GOLT1B: variants seen among roughly 807,000 people sequenced by gnomAD.
The protein encoded by GOLT1B is golgi transport 1B.
Under a neutral mutation model 15.4 loss-of-function variants are expected in GOLT1B, and 3 were observed. That is an observed-to-expected ratio of 0.19 (90% confidence interval 0.09 to 0.50). GOLT1B has a LOEUF of 0.50. GOLT1B is among the 20% of genes least tolerant of loss of function. The pLI, the probability that GOLT1B is intolerant of heterozygous loss-of-function variation, is 0.97. For synonymous variants in GOLT1B, 65 were observed against 56.2 expected (o/e 1.16, Z -0.70); for missense variants, 145 against 160.4 (o/e 0.90, Z 0.52).
chr12:21,506,360 A>C (rs1943678586), intron 1 of GOLT1B, among the ~76,000 whole-genome samples: 1 of 152,052 alleles, frequency 6.6e-6, no homozygotes, highest in South Asian at 2.1e-4. Flanking sequence ...TCTTGTTGCC[A>C]TTGTGACAAG....
At chr12:21,510,826 A>C (rs1337733705) in intron 3 of GOLT1B, among the ~76,000 whole-genome samples, 2 of 152,164 alleles carry the variant, frequency 1.3e-5, no homozygotes, top group Non-Finnish European at 2.9e-5. Context: ...CCATAACAGA[A>C]TCTTATTGCT....
chr12:21,508,306 T>TA, intron 2 of GOLT1B, 77 bp from the exon 3 acceptor site: 1 of 856,924 alleles, frequency 1.2e-6, no homozygotes, highest in Non-Finnish European at 1.8e-6. Flanking sequence ...TTTTTATATT[T>TA]AGCTTTGACT....
rs756915030 is a variant in GOLT1B, at chr12:21,512,377, GT to G, written c.378+2del. ...CCTAAATTTACCTGGAATTAGATCA[GT>G]AAGTAATCATGTATATTTTAGGCCA... On this transcript the variant is annotated splice_donor_variant, in intron 4 of 4. Transcript: ENST00000229314. LOFTEE classifies it high-confidence loss of function. The G allele has an allele frequency of 7.4e-7, 1 of 1,351,894 alleles. No homozygotes were observed. Among genetic ancestry groups the G allele is most frequent in the African/African-American group, 1.4e-5 (1 of 69,756 alleles). 83.7% of individuals were successfully genotyped at this position (1,351,894 alleles called of 1,614,324 possible). A position where few individuals can be genotyped will look rare whatever the true frequency, so the allele number is the denominator to read the frequency against.
At chr12:21,507,918 C>G (rs770795676) in intron 2 of GOLT1B, 1 of 453,792 alleles carries the variant, frequency 2.2e-6, no homozygotes, top group East Asian at 7.0e-5. Flanking sequence ...TCAACTTAGC[C>G]ATGTCAATAT....
rs1591760885 is a variant in GOLT1B at position 21,506,799 on chromosome 12, G to T, written c.26-86G>T. 15 of 602,970 alleles carry T rather than the reference G, an allele frequency of 2.5e-5. No homozygotes were observed. The East Asian group carries it at 3.4e-4, about 14-fold the overall frequency. The allele number at this position is 602,970 out of a possible 1,614,324, so 37.4% of individuals were successfully genotyped here. A position where few individuals can be genotyped will look rare whatever the true frequency, so the allele number is the denominator to read the frequency against. On this transcript the variant is annotated intron_variant, in intron 1 of 4. Transcript: ENST00000229314. ...ACCTGTTTTCTTATACCTATGAAAG[G>T]AAAACTGGAAAATTTTCTTAGTTTA... is the stretch of plus-strand genomic sequence containing the variant.
chr12:21,515,974 A>T lies in GOLT1B; in HGVS notation c.*267A>T, dbSNP rs528353384. The T allele has an allele frequency of 2.2e-4, 74 of 336,416 alleles. No homozygotes were observed. Among genetic ancestry groups the T allele is most frequent in the African/African-American group, 1.5e-3 (69 of 46,786 alleles). The allele number at this position is 336,416 out of a possible 1,614,324, so 20.8% of individuals were successfully genotyped here. On this transcript the variant is annotated 3_prime_UTR_variant, in exon 5 of 5. Transcript: ENST00000229314. The stretch of plus-strand genomic sequence containing the variant: ...GATGCTTAAGAAACTCTTGAAGGCT[A>T]TTTGTGTTGTTTTTCCACAATGTGC...
intron 3 of GOLT1B, among the ~76,000 whole-genome samples, chr12:21,510,443 G>A (rs1439268414): frequency 6.6e-6 from 1 of 152,180 alleles, no homozygotes. Context: ...TAAAAAATGG[G>A]AAGTCTTAGT....
chr12:21,512,706 A>T (rs1943728668), intron 4 of GOLT1B, among the ~76,000 whole-genome samples: 1 of 152,194 alleles, frequency 6.6e-6, no homozygotes, highest in African/African-American at 2.4e-5. Context: ...AGAAGCAATA[A>T]TGTAAAAAGG....
rs1565581668 is a variant in GOLT1B at position 21,508,123 on chromosome 12, T to C, written c.118-260T>C. ...AGATGCCCCTTGGTAACGTCTAATC[T>C]TTCTTTGTTTCTCTTTTTCTCCATT... On this transcript the variant is annotated intron_variant, in intron 2 of 4. Coordinates refer to ENST00000229314, the MANE Select transcript of GOLT1B (RefSeq NM_016072.5). 6 of 432,364 alleles carry C rather than the reference T, an allele frequency of 1.4e-5. No homozygotes were observed. The East Asian group carries it at 2.9e-4, about 21-fold the overall frequency. The allele number at this position is 432,364 out of a possible 1,614,324, so 26.8% of individuals were successfully genotyped here.
In GOLT1B at chr12:21,508,320, C is replaced by T. The variant is rs1591761404; in HGVS notation, c.118-63C>T. On this transcript the variant is annotated intron_variant, in intron 2 of 4. Coordinates refer to ENST00000229314, the MANE Select transcript of GOLT1B (RefSeq NM_016072.5). ...TTTTTTATATTTAGCTTTGACTTTACGTTTAAAATTTATGCATTGTGTTTA... is the reference window on the plus strand; with the variant it reads ...TTTTTTATATTTAGCTTTGACTTTATGTTTAAAATTTATGCATTGTGTTTA... 9 of 975,458 alleles carry T rather than the reference C, an allele frequency of 9.2e-6. No individual in the cohort carries two copies. In the East Asian group the frequency reaches 1.5e-4, roughly 16 times the overall value. 60.4% of individuals were successfully genotyped at this position (975,458 alleles called of 1,614,324 possible). A position where few individuals can be genotyped will look rare whatever the true frequency, so the allele number is the denominator to read the frequency against.
In GOLT1B at chr12:21,518,358, A is replaced by G. The variant is rs1319406823; in HGVS notation, c.*2651A>G. 1 of 152,136 alleles carries G rather than the reference A, an allele frequency of 6.6e-6. No individual in the cohort carries two copies. Among genetic ancestry groups the G allele is most frequent in the Non-Finnish European group, 1.5e-5 (1 of 68,012 alleles). 9.4% of individuals were successfully genotyped at this position (152,136 alleles called of 1,614,324 possible). Reference sequence around the variant, plus strand: ...TAAGCAAAAATGTTCTTAATTTTGAAAACTGTAAAATAAAGTCACTTACCT... The same window carrying G: ...TAAGCAAAAATGTTCTTAATTTTGAGAACTGTAAAATAAAGTCACTTACCT... On this transcript the variant is annotated 3_prime_UTR_variant, in exon 5 of 5. Coordinates refer to ENST00000229314, the MANE Select transcript of GOLT1B (RefSeq NM_016072.5).
rs372274847 is a variant in GOLT1B at position 21,506,995 on chromosome 12, A to G, written c.117+19A>G. ...TGGAAATGTGAGTTTTTAAATATATATTTTAACTAAATTTATAAGGAAATT... is the reference window on the plus strand; with the variant it reads ...TGGAAATGTGAGTTTTTAAATATATGTTTTAACTAAATTTATAAGGAAATT... On this transcript the variant is annotated intron_variant, in intron 2 of 4. Coordinates refer to ENST00000229314, the MANE Select transcript of GOLT1B (RefSeq NM_016072.5). 7.4e-6 allele frequency: 7 copies of G among 941,690 alleles called. No individual in the cohort carries two copies. The highest frequency in any genetic ancestry group is 5.1e-6 in the Non-Finnish European group (3 of 589,914). 58.3% of individuals were successfully genotyped at this position (941,690 alleles called of 1,614,324 possible). A position where few individuals can be genotyped will look rare whatever the true frequency, so the allele number is the denominator to read the frequency against.
At chr12:21,504,773 C>A (rs1943667701) in intron 1 of GOLT1B, among the ~76,000 whole-genome samples, 1 of 152,108 alleles carries the variant, frequency 6.6e-6, no homozygotes, top group Non-Finnish European at 1.5e-5. Flanking sequence ...ACACGGTAAA[C>A]CATACTCAGA....
At position 21,518,238 on chromosome 12, in the gene GOLT1B, T is replaced by C. The variant is rs1185142363; in HGVS notation, c.*2531T>C. On this transcript the variant is annotated 3_prime_UTR_variant, in exon 5 of 5. Transcript: ENST00000229314. The stretch of plus-strand genomic sequence containing the variant: ...CAAAATAACCTCATTTTTAAAAAAT[T>C]AGCCTTATATGCAGTGTTCTATTTA... The C allele has an allele frequency of 6.6e-6, 1 of 152,158 alleles. No individual in the cohort carries two copies. Among genetic ancestry groups the C allele is most frequent in the Non-Finnish European group, 1.5e-5 (1 of 67,986 alleles). 9.4% of individuals were successfully genotyped at this position (152,158 alleles called of 1,614,324 possible).
At chr12:21,515,257 G>A (rs1441432329) in intron 4 of GOLT1B, 13 of 1,460,820 alleles carry the variant, frequency 8.9e-6, no homozygotes, top group South Asian at 1.2e-5. Flanking sequence ...GCCCAGAAGA[G>A]ATCCACAGTA....
Position 21,501,810 on chromosome 12 carries a change from C to A in GOLT1B, c.-114C>A. 1 of 752,102 alleles carries A rather than the reference C, an allele frequency of 1.3e-6. No individual in the cohort carries two copies. The highest frequency in any genetic ancestry group is 2.7e-5 in the East Asian group (1 of 37,532). 46.6% of individuals were successfully genotyped at this position (752,102 alleles called of 1,614,324 possible). A position where few individuals can be genotyped will look rare whatever the true frequency, so the allele number is the denominator to read the frequency against. ...CGGCAGTGAGGGTGGCTGCGTGTTTCCGGAAGACGTGGCGGCTCTCGCCTG... is the reference window on the plus strand; with the variant it reads ...CGGCAGTGAGGGTGGCTGCGTGTTTACGGAAGACGTGGCGGCTCTCGCCTG... On this transcript the variant is annotated 5_prime_UTR_variant, in exon 1 of 5. Coordinates refer to ENST00000229314, the MANE Select transcript of GOLT1B (RefSeq NM_016072.5).
At chr12:21,513,769 C>G (rs1943737028) in intron 4 of GOLT1B, among the ~76,000 whole-genome samples, 1 of 152,102 alleles carries the variant, frequency 6.6e-6, no homozygotes, top group Non-Finnish European at 1.5e-5. Flanking sequence ...ACACTATAGC[C>G]TGGGCAATAG....
At chr12:21,507,239 T>C in intron 2 of GOLT1B, 1 of 374,508 alleles carries the variant, frequency 2.7e-6, no homozygotes, top group South Asian at 2.9e-5. Context: ...GAAGGCTGCC[T>C]CTAAATAGGA....
chr12:21,502,777 C>T (rs892874883), intron 1 of GOLT1B, among the ~76,000 whole-genome samples: 1 of 152,106 alleles, frequency 6.6e-6, no homozygotes, highest in African/African-American at 2.4e-5. Flanking sequence ...TATGTCTGCC[C>T]AAGCTCTGTA....
Sources: gnomAD v4.1 joint callset for allele counts (sites outside exome capture counted in the v4.1 genomes callset) on GRCh38, gnomAD v4.1.1 for gene constraint, MANE v1.5 for transcripts, NCBI Gene and HGNC (gene_info 2026-07-23, HGNC 2026-07-21) for gene names.